BMPER: variants seen among roughly 807,000 people sequenced by gnomAD.
BMPER encodes BMP-binding endothelial regulator protein.
BMPER carries 45 observed loss-of-function variants against 87.3 expected under a neutral mutation model. The observed-to-expected ratio is 0.52, with a 90% confidence interval of 0.41 to 0.66. The LOEUF is 0.66. Ranked by LOEUF, BMPER falls within the 30% of genes least tolerant of loss-of-function variation. The pLI, the probability that BMPER is intolerant of heterozygous loss-of-function variation, is 0.00. For synonymous variants in BMPER, 326 were observed against 316.2 expected, an observed-to-expected ratio of 1.03 and a Z score of -0.33; for missense variants, 784 against 867.5, an observed-to-expected ratio of 0.90 and a Z score of 1.21.
At chr7:33,985,082 A>T (rs966727735) in intron 6 of BMPER, among the ~76,000 whole-genome samples, 2 of 152,188 alleles carry the variant, frequency 1.3e-5, no homozygotes, top group African/African-American at 2.4e-5. Context: ...AGCCAAATAC[A>T]ATCTATTGAC....
At chr7:34,105,420 G>C (rs1180388626) in intron 13 of BMPER, among the ~76,000 whole-genome samples, 1 of 152,120 alleles carries the variant, frequency 6.6e-6, no homozygotes. Context: ...TCTAGATGAT[G>C]TTGGAAGAAA....
rs555150454 is a variant in BMPER, at chr7:33,970,464, T to G, written c.493+45T>G. ...GAGGCTGGAAATCTCTGTGTGTTCT[T>G]TCAGGAATGCATGAATCTCCCAACC... On this transcript the variant is annotated intron_variant, in intron 5 of 14. Coordinates refer to ENST00000649409, the MANE Select transcript of BMPER (RefSeq NM_001365308.1). 9 of 1,574,878 alleles carry G rather than the reference T, an allele frequency of 5.7e-6. No individual in the cohort carries two copies. In the South Asian group the frequency reaches 7.7e-5, roughly 14 times the overall value.
At chr7:34,119,157 A>C (rs1401654275) in intron 13 of BMPER, among the ~76,000 whole-genome samples, 1 of 152,174 alleles carries the variant, frequency 6.6e-6, no homozygotes, top group Non-Finnish European at 1.5e-5. Flanking sequence ...TATATCCATC[A>C]CTGGCTAGGA....
chr7:34,117,836 C>T (rs1380218187), intron 13 of BMPER, among the ~76,000 whole-genome samples: 3 of 152,148 alleles, frequency 2.0e-5, no homozygotes, highest in African/African-American at 2.4e-5. Context: ...ATGTAATAAG[C>T]GCAGGCCATC....
intron 2 of BMPER, among the ~76,000 whole-genome samples, chr7:33,907,457 G>C: frequency 6.6e-6 from 1 of 152,166 alleles, no homozygotes; most frequent in Middle Eastern, 3.2e-3. Flanking sequence ...TTGGAAGCAT[G>C]AGTCGGAAAG....
chr7:33,994,114 C>CT (rs1409169704), intron 6 of BMPER, among the ~76,000 whole-genome samples: 1 of 52,364 alleles, frequency 1.9e-5, no homozygotes, highest in Non-Finnish European at 4.9e-5. Flanking sequence ...CCTACAGAGG[C>CT]AGGCAGGCCT....
At chr7:34,058,942 G>A (rs1478990070) in intron 10 of BMPER, among the ~76,000 whole-genome samples, 1 of 151,836 alleles carries the variant, frequency 6.6e-6, no homozygotes, top group African/African-American at 2.4e-5. Flanking sequence ...AACAAAAGTT[G>A]CTGTTTTTAC....
At chr7:34,060,429 C>T (rs1788407413) in intron 10 of BMPER, among the ~76,000 whole-genome samples, 1 of 152,154 alleles carries the variant, frequency 6.6e-6, no homozygotes, top group Admixed American at 6.5e-5. Flanking sequence ...AAAAGAGACC[C>T]CTGTGCCAAA....
chr7:34,038,807 C>A (rs930713386), intron 6 of BMPER, among the ~76,000 whole-genome samples: 2 of 152,128 alleles, frequency 1.3e-5, no homozygotes, highest in African/African-American at 4.8e-5. Context: ...TCTTGAATAT[C>A]TATGTATAGA....
At chr7:33,953,069 T>C (rs1366189133) in intron 3 of BMPER, among the ~76,000 whole-genome samples, 1 of 152,208 alleles carries the variant, frequency 6.6e-6, no homozygotes, top group Non-Finnish European at 1.5e-5. Context: ...GCTGAACACA[T>C]GAGGCAGTCC....
chr7:33,935,108 T>C (rs896497962), intron 2 of BMPER, among the ~76,000 whole-genome samples: 5 of 152,154 alleles, frequency 3.3e-5, no homozygotes, highest in African/African-American at 1.2e-4. Flanking sequence ...TGTATGACCT[T>C]TGTAGTTTAA....
At chr7:34,044,005 A>G (rs1357291489) in intron 6 of BMPER, among the ~76,000 whole-genome samples, 1 of 152,222 alleles carries the variant, frequency 6.6e-6, no homozygotes, top group Admixed American at 6.5e-5. Flanking sequence ...GTGAGCTGCA[A>G]CTGTGTTCCT....
chr7:34,152,990 A>G (rs572523455), intron 14 of BMPER, 102 bp from the exon 15 acceptor site: 216 of 1,319,548 alleles, frequency 1.6e-4, no homozygotes, highest in Non-Finnish European at 2.3e-4. Context: ...AGCTATGGAA[A>G]CGTCCATGAA....
rs1226836596 is a variant in BMPER, at chr7:34,142,571, T to C, written c.1746-659T>C. ...AGACCTTGATTCAATTCTGTTCATC[T>C]TGCAGTCTAATTAGAGACCTGAAAT... On this transcript the variant is annotated intron_variant, in intron 13 of 14. Coordinates refer to ENST00000649409, the MANE Select transcript of BMPER (RefSeq NM_001365308.1). Among the ~76,000 whole-genome samples, 5 of 152,242 alleles carry C rather than the reference T, an allele frequency of 3.3e-5. No individual in the cohort carries two copies. The East Asian group carries it at 9.6e-4, about 29-fold the overall frequency.
intron 6 of BMPER, among the ~76,000 whole-genome samples, chr7:34,025,449 G>A (rs1489887745): frequency 6.6e-6 from 1 of 151,968 alleles, no homozygotes; most frequent in Non-Finnish European, 1.5e-5. Flanking sequence ...ATCCCAGGAG[G>A]GCTGAGCCTT....
chr7:34,059,048 G>A (rs1201670684), intron 10 of BMPER, among the ~76,000 whole-genome samples: 2 of 150,520 alleles, frequency 1.3e-5, no homozygotes, highest in Admixed American at 6.6e-5. Flanking sequence ...ACCCTAATTA[G>A]TCTTGCTTTA....
At chr7:34,001,238 G>A (rs2127935130) in intron 6 of BMPER, among the ~76,000 whole-genome samples, 1 of 151,956 alleles carries the variant, frequency 6.6e-6, no homozygotes, top group South Asian at 2.1e-4. Flanking sequence ...CTTTGTGAAG[G>A]ACTTGTGTTA....
intron 2 of BMPER, among the ~76,000 whole-genome samples, chr7:33,916,308 A>C (rs1258424433): frequency 2.0e-5 from 3 of 152,190 alleles, no homozygotes; most frequent in Non-Finnish European, 4.4e-5. Flanking sequence ...ACAACGAATC[A>C]GAGTGTTGTT....
rs181893738 is a variant in BMPER, at chr7:34,086,079, G to A, written c.1732G>A (p.Ala578Thr). The change falls in exon 13 of 15, where the codon GCC becomes ACC. Residue 578 changes from alanine to threonine, a missense_variant. By Grantham distance (58) the Ala-to-Thr change is moderately conservative. Transcript: ENST00000649409. ...GACCTGCCACTCGACTGTGGACTAC[G>A]CCACTTTCTACCGGTAAGTACAGTG... Reference protein sequence around the residue: ...FQTCHSTVDYATFYRSCVTDM... With the variant: ...FQTCHSTVDYTTFYRSCVTDM... The A allele has an allele frequency of 6.9e-5, 111 of 1,613,836 alleles. 1 individual carries two copies. The Admixed American group carries it at 1.3e-3, about 19-fold the overall frequency.
Sources: gnomAD v4.1 joint callset for allele counts (sites outside exome capture counted in the v4.1 genomes callset) on GRCh38, gnomAD v4.1.1 for gene constraint, MANE v1.5 for transcripts, NCBI Gene and HGNC (gene_info 2026-07-23, HGNC 2026-07-21) for gene names.